TESMIN: variants seen among roughly 807,000 people sequenced by gnomAD.
The protein encoded by TESMIN is testis expressed metallothionein like protein, also known as CXC domain containing 2.
In TESMIN, 34 loss-of-function variants were observed where a neutral mutation model predicts 47.4. That is an observed-to-expected ratio of 0.72 (90% CI 0.55 to 0.96). The LOEUF (loss-of-function observed/expected upper bound fraction) is 0.96. Ranked by LOEUF, TESMIN falls within the 40% of genes least tolerant of loss-of-function variation. The pLI is 0.00. For synonymous variants in TESMIN, 278 were observed against 258.9 expected (o/e 1.07, Z -0.71); for missense variants, 610 against 637.2 (o/e 0.96, Z 0.46).
At chr11:68,716,062 A>G in intron 6 of TESMIN, 123 bp from the exon 7 acceptor site, 1 of 645,574 alleles carries the variant, frequency 1.5e-6, no homozygotes, top group Non-Finnish European at 2.7e-6. Context: ...GAACACTTTC[A>G]TAGACGGCTC....
At chr11:68,744,953 A>T (rs746425083) in intron 4 of TESMIN, 38 bp downstream of exon 4, 2 of 1,468,922 alleles carry the variant, frequency 1.4e-6, no homozygotes, top group Non-Finnish European at 1.8e-6. Flanking sequence ...ACCAACTTAC[A>T]TATATGACAT....
At chr11:68,710,629 TAA>T (rs1946052120) in intron 9 of TESMIN, 2 of 459,600 alleles carry the variant, frequency 4.4e-6, no homozygotes, top group African/African-American at 4.0e-5. Context: ...AAAACGGGAG[TAA>T]CTCAGACAGT....
Position 68,733,151 on chromosome 11 carries a change from C to T in TESMIN, c.917+5549G>A, listed in dbSNP as rs147951922. Among the ~76,000 whole-genome samples the T allele has an allele frequency of 1.2e-3, 187 of 152,292 alleles. 1 individual carries two copies. The highest frequency in any genetic ancestry group is 4.3e-3 in the African/African-American group (177 of 41,566). On this transcript the variant is annotated intron_variant, in intron 6 of 9. Transcript: ENST00000255087. ...TGTCAAGCATGGCAATGAGGTCTGCCTCCTACTTCAGCCACATCGTCTACT... is the reference window on the plus strand; with the variant it reads ...TGTCAAGCATGGCAATGAGGTCTGCTTCCTACTTCAGCCACATCGTCTACT...
At chr11:68,718,448 C>A (rs761462872) in intron 6 of TESMIN, among the ~76,000 whole-genome samples, 1 of 152,084 alleles carries the variant, frequency 6.6e-6, no homozygotes, top group Non-Finnish European at 1.5e-5. Context: ...GATGAAAGAC[C>A]TAGAAGGTAT....
chr11:68,742,600 G>A (rs1946470019), intron 4 of TESMIN, among the ~76,000 whole-genome samples: 1 of 152,054 alleles, frequency 6.6e-6, no homozygotes, highest in South Asian at 2.1e-4. Context: ...CTTTTTTGGG[G>A]AGATGGTCAT....
chr11:68,709,397 G>GACTC (rs1946035946), intron 9 of TESMIN, among the ~76,000 whole-genome samples: 1 of 152,204 alleles, frequency 6.6e-6, no homozygotes, highest in African/African-American at 2.4e-5. Context: ...AGGTTCTGAG[G>GACTC]ACTCGCCTGT....
rs1230352419 is a variant in TESMIN at position 68,750,475 on chromosome 11, G to T, written c.186C>A (p.Pro62=). The T allele has an allele frequency of 2.5e-6, 4 of 1,600,924 alleles. No individual in the cohort carries two copies. Among genetic ancestry groups the T allele is most frequent in the Non-Finnish European group, 2.6e-6 (3 of 1,174,426 alleles). Residue 62 remains proline (P), a synonymous_variant, in exon 2 of 10, where the codon CCC becomes CCA. Coordinates refer to ENST00000255087, the MANE Select transcript of TESMIN (RefSeq NM_004923.3). ...AYLGPADPKE[P]VLHAFNPALG... is the part of the protein sequence containing the mutation. ...GCGCGGGGTTGAACGCGTGCAGGAC[G>T]GGTTCCTTGGGGTCCGCCGGGCCCA...
At chr11:68,705,566 G>A (rs150052332), downstream of TESMIN, among the ~76,000 whole-genome samples, 460 of 152,312 alleles carry the variant, frequency 3.0e-3, 4 homozygotes, top group African/African-American at 0.011. Flanking sequence ...AGGAAAGAGC[G>A]ATTTCAGCGC....
chr11:68,726,650 T>TA (rs1244406139), intron 6 of TESMIN, among the ~76,000 whole-genome samples: 1 of 152,086 alleles, frequency 6.6e-6, no homozygotes, highest in East Asian at 1.9e-4. Context: ...AACAAGAGAC[T>TA]ACCAAAAAAA....
intron 6 of TESMIN, chr11:68,733,544 T>C (rs1389674617): frequency 6.6e-6 from 1 of 152,226 alleles, no homozygotes; most frequent in Non-Finnish European, 1.5e-5. Flanking sequence ...GAGAAGTAAC[T>C]GTAACACGTG....
chr11:68,735,481 A>G (rs1387792695), intron 6 of TESMIN, among the ~76,000 whole-genome samples: 1 of 152,210 alleles, frequency 6.6e-6, no homozygotes, highest in African/African-American at 2.4e-5. Context: ...ACTATAAATC[A>G]CTGTGTGGCC....
chr11:68,716,188 A>C (rs956922785), intron 6 of TESMIN, among the ~76,000 whole-genome samples: 7 of 152,270 alleles, frequency 4.6e-5, no homozygotes, highest in Non-Finnish European at 1.0e-4. Context: ...TTTGCAAAGC[A>C]AAACAATTTC....
rs187257879 is a variant in TESMIN at position 68,717,526 on chromosome 11, C to T, written c.918-1587G>A. Reference sequence around the variant, plus strand: ...AGGTCTCTCCTGAACCTGCAAGCCACGCAGATGGAAAGAAGGGAAAGGGGA... The same window carrying T: ...AGGTCTCTCCTGAACCTGCAAGCCATGCAGATGGAAAGAAGGGAAAGGGGA... On this transcript the variant is annotated intron_variant, in intron 6 of 9. Transcript: ENST00000255087. Among the ~76,000 whole-genome samples the T allele has an allele frequency of 1.6e-3, 250 of 152,224 alleles. 2 individuals carry two copies. The highest frequency in any genetic ancestry group is 0.014 in the Admixed American group (218 of 15,304).
intron 9 of TESMIN, among the ~76,000 whole-genome samples, chr11:68,709,808 G>T (rs1946041572): frequency 6.6e-6 from 1 of 152,088 alleles, no homozygotes; most frequent in Admixed American, 6.5e-5. Context: ...TGCTGCAGGC[G>T]ATGACATTTT....
intron 7 of TESMIN, among the ~76,000 whole-genome samples, chr11:68,715,342 C>T (rs755184537): frequency 3.3e-5 from 5 of 152,214 alleles, no homozygotes; most frequent in Non-Finnish European, 7.3e-5. Flanking sequence ...TAACCTTTTG[C>T]GTCTCTGGGA....
At position 68,708,457 on chromosome 11, in the gene TESMIN, A is replaced by T. The variant is rs572823850; in HGVS notation, c.1378T>A (p.Cys460Ser). 6.2e-7 allele frequency: 1 copy of T among 1,613,718 alleles called. No homozygotes were observed. The highest frequency in any genetic ancestry group is 1.7e-5 in the Admixed American group (1 of 59,950). ...CISWEVVEATCACLLAQGEEA... is the reference protein window; with the variant it reads ...CISWEVVEATSACLLAQGEEA... ...TCTCCCTGAGCAAGCAGGCAGGCGC[A>T]TGTGGCCTCCACCACCTCCCAGGAG... is the stretch of plus-strand genomic sequence containing the variant. Residue 460 changes from cysteine (C) to serine (S), a missense_variant, in exon 10 of 10, where the codon TGC becomes AGC. Cys to Ser is a moderately radical substitution (Grantham distance 112, BLOSUM62 -1). Coordinates refer to ENST00000255087, the MANE Select transcript of TESMIN (RefSeq NM_004923.3).
At chr11:68,737,523 G>A (rs1946401071) in intron 6 of TESMIN, 1 of 985,688 alleles carries the variant, frequency 1.0e-6, no homozygotes, top group African/African-American at 1.7e-5. Flanking sequence ...AACTCTGCAG[G>A]AGCCTGGAAA....
rs949584329 is a variant in TESMIN, at chr11:68,745,109, C to A, written c.633G>T (p.Val211=). ...GTGTGCCCCCTTTCAATTGGCATAT[C>A]ACCTAAAATGAAAAAGAACAATCAG... ...CSLKKDSNPM[V]ICQLKGGTQM... The change falls in exon 4 of 10, where the codon GTG becomes GTT. Residue 211 remains valine (V), a splice_region_variant and synonymous_variant. Transcript: ENST00000255087. The A allele has an allele frequency of 6.3e-7, 1 of 1,574,938 alleles. No individual in the cohort carries two copies. The highest frequency in any genetic ancestry group is 1.4e-5 in the African/African-American group (1 of 72,144).
chr11:68,720,442 C>T lies in TESMIN; in HGVS notation c.918-4503G>A, dbSNP rs181140953. On this transcript the variant is annotated intron_variant, in intron 6 of 9. Coordinates refer to ENST00000255087, the MANE Select transcript of TESMIN (RefSeq NM_004923.3). ...CGTTCAGATTTCCTCCTCCTGCCCA[C>T]AGACTCTCAAAGGCAATCAACCAGC... Among the ~76,000 whole-genome samples, 14 of 152,300 alleles carry T rather than the reference C, an allele frequency of 9.2e-5. No individual in the cohort carries two copies. In the South Asian group the frequency reaches 2.1e-3, roughly 23 times the overall value.
Sources: allele counts gnomAD v4.1 joint callset (sites outside exome capture counted in the v4.1 genomes callset), GRCh38; gene constraint gnomAD v4.1.1; transcripts MANE v1.5; gene names NCBI Gene and HGNC (gene_info 2026-07-23, HGNC 2026-07-21).